The following FRK variants were observed in gnomAD, a reference collection of about 807,000 sequenced individuals.
FRK encodes fyn related Src family tyrosine kinase.
FRK carries 51 observed loss-of-function variants against 56.4 expected under a neutral mutation model. The observed-to-expected ratio is 0.90, with a 90% CI of 0.72 to 1.14. The LOEUF is 1.14. FRK is among the 50% of genes most tolerant of loss of function. FRK has a pLI of 0.00. For synonymous variants in FRK, 245 were observed against 217.9 expected (o/e 1.12, Z -1.10); for missense variants, 570 against 601.4 (o/e 0.95, Z 0.55).
chr6:115,969,200 T>G (rs190313665), intron 2 of FRK, among the ~76,000 whole-genome samples: 15 of 152,252 alleles, frequency 9.9e-5, no homozygotes, highest in Non-Finnish European at 1.5e-4. Context: ...GCTTTGGAAA[T>G]AAACAGTGTG....
At chr6:115,979,296 G>A (rs1031700570) in intron 2 of FRK, among the ~76,000 whole-genome samples, 1 of 152,032 alleles carries the variant, frequency 6.6e-6, no homozygotes, top group East Asian at 1.9e-4. Flanking sequence ...TCCAAAGGTC[G>A]TGTGTGTGTT....
intron 5 of FRK, among the ~76,000 whole-genome samples, chr6:115,949,775 C>G (rs1212283358): frequency 6.6e-6 from 1 of 151,826 alleles, no homozygotes; most frequent in Non-Finnish European, 1.5e-5. Context: ...TACCTGACTT[C>G]AAACTATACT....
chr6:116,030,620 T>C (rs1387568517), intron 1 of FRK, among the ~76,000 whole-genome samples: 1 of 152,052 alleles, frequency 6.6e-6, no homozygotes, highest in Non-Finnish European at 1.5e-5. Flanking sequence ...AAAAAGAACA[T>C]GTGGATGTGT....
At chr6:116,039,662 G>T (rs2114784230) in intron 1 of FRK, among the ~76,000 whole-genome samples, 1 of 152,178 alleles carries the variant, frequency 6.6e-6, no homozygotes, top group Non-Finnish European at 1.5e-5. Flanking sequence ...ACCCTGTAAT[G>T]GTTGGGACCA....
intron 5 of FRK, among the ~76,000 whole-genome samples, chr6:115,946,302 C>G (rs542968217): frequency 6.6e-6 from 1 of 152,212 alleles, no homozygotes; most frequent in African/African-American, 2.4e-5. Context: ...TCTTTGTGAC[C>G]TTGGGCAAGC....
At chr6:116,023,228 G>A in intron 1 of FRK, among the ~76,000 whole-genome samples, 1 of 152,108 alleles carries the variant, frequency 6.6e-6, no homozygotes, top group East Asian at 1.9e-4. Context: ...GAAATATTTG[G>A]CAATATCTTA....
chr6:116,082,941 T>C, the FRK span, among the ~76,000 whole-genome samples: 1 of 152,014 alleles, frequency 6.6e-6, no homozygotes, highest in African/African-American at 2.4e-5. Context: ...CAGAGATGTT[T>C]AGACATCAAG....
chr6:116,024,983 T>C (rs886217495), intron 1 of FRK, among the ~76,000 whole-genome samples: 3 of 152,184 alleles, frequency 2.0e-5, no homozygotes, highest in Non-Finnish European at 2.9e-5. Context: ...TGATATCTCA[T>C]TGTGGTTTTG....
the FRK span, among the ~76,000 whole-genome samples, chr6:116,077,021 T>C: frequency 1.3e-5 from 2 of 152,230 alleles, no homozygotes; most frequent in Non-Finnish European, 2.9e-5. Flanking sequence ...GAAGTATTCA[T>C]ATATCAGATT....
At chr6:116,065,144 A>T (rs1403870401), upstream of FRK, among the ~76,000 whole-genome samples, 50 of 152,168 alleles carry the variant, frequency 3.3e-4, no homozygotes. Context: ...AATATACACA[A>T]TATTAAATGA....
intron 4 of FRK, among the ~76,000 whole-genome samples, chr6:115,958,644 A>AAAAGAAAGAAAGAAAGAAAG (rs1171075326): frequency 7.9e-4 from 3 of 3,816 alleles, no homozygotes; most frequent in African/African-American, 2.2e-3. Flanking sequence ...GGAAAGAAAG[A>AAAAGAAAGAAAGAAAGAAAG]AAAGAAAGAA....
intron 1 of FRK, among the ~76,000 whole-genome samples, chr6:116,010,430 T>C (rs1424795083): frequency 6.6e-6 from 1 of 152,144 alleles, no homozygotes; most frequent in Non-Finnish European, 1.5e-5. Flanking sequence ...GCTACAAAAA[T>C]TTACATGTTG....
intron 1 of FRK, among the ~76,000 whole-genome samples, chr6:116,006,458 C>T (rs1228792279): frequency 2.0e-5 from 3 of 152,120 alleles, no homozygotes; most frequent in South Asian, 4.1e-4. Context: ...AATTTAAGAG[C>T]AATTTGGCAC....
At chr6:116,030,752 A>G (rs1442013991) in intron 1 of FRK, among the ~76,000 whole-genome samples, 2 of 152,238 alleles carry the variant, frequency 1.3e-5, no homozygotes, top group Admixed American at 6.5e-5. Flanking sequence ...TTTGGAATAC[A>G]TTGGTAAACG....
At position 115,940,781 on chromosome 6, in the gene FRK, C is replaced by T. The variant is rs1387775643; in HGVS notation, c.*1633G>A. ...TCCAAATCAAAACCACAATGAGATACCATCTCACACCAGTTAGAATGGTGA... is the reference window on the plus strand; with the variant it reads ...TCCAAATCAAAACCACAATGAGATATCATCTCACACCAGTTAGAATGGTGA... On this transcript the variant is annotated 3_prime_UTR_variant, in exon 8 of 8. Coordinates refer to ENST00000606080, the MANE Select transcript of FRK (RefSeq NM_002031.3). The T allele has an allele frequency of 6.6e-6, 1 of 152,178 alleles. No individual in the cohort carries two copies. Among genetic ancestry groups the T allele is most frequent in the African/African-American group, 2.4e-5 (1 of 41,442 alleles). 9.4% of individuals were successfully genotyped at this position (152,178 alleles called of 1,614,324 possible).
intron 4 of FRK, among the ~76,000 whole-genome samples, chr6:115,960,503 A>G (rs1326717321): frequency 1.3e-5 from 2 of 149,360 alleles, no homozygotes; most frequent in Non-Finnish European, 3.0e-5. Context: ...TGCTTAGGTA[A>G]ACAAAGCAGC....
chr6:115,987,215 C>G (rs562556843), intron 2 of FRK, among the ~76,000 whole-genome samples: 2 of 152,072 alleles, frequency 1.3e-5, no homozygotes, highest in East Asian at 3.9e-4. Context: ...CTCATTTAAT[C>G]CAAACACCAC....
intron 2 of FRK, 62 bp downstream of exon 2, chr6:116,003,815 C>T (rs986027982): frequency 1.9e-6 from 3 of 1,575,962 alleles, no homozygotes; most frequent in Admixed American, 1.8e-5. Context: ...CATGTTCACA[C>T]AGAAAGCTCA....
chr6:115,951,756 A>G (rs1582638228), intron 5 of FRK, among the ~76,000 whole-genome samples: 1 of 152,340 alleles, frequency 6.6e-6, no homozygotes, highest in East Asian at 1.9e-4. Flanking sequence ...GAGGAAATTG[A>G]GTGACACACA....
Sources: allele counts gnomAD v4.1 joint callset (sites outside exome capture counted in the v4.1 genomes callset), GRCh38; gene constraint gnomAD v4.1.1; transcripts MANE v1.5; gene names NCBI Gene and HGNC (gene_info 2026-07-23, HGNC 2026-07-21).